The following DNAJC7 variants were observed in gnomAD, a reference collection of about 807,000 sequenced individuals.
DNAJC7 encodes the protein DnaJ heat shock protein family (Hsp40) member C7, also known as dnaJ homolog subfamily C member 7.
A neutral mutation model predicts 67.4 loss-of-function variants in DNAJC7; 18 were observed. The ratio of observed to expected loss-of-function variants is 0.27; its 90% confidence interval spans 0.18 to 0.40. The LOEUF (loss-of-function observed/expected upper bound fraction) is 0.40, where lower values mean the gene tolerates loss of function less well. Ranked by LOEUF, DNAJC7 falls within the 10% of genes least tolerant of loss-of-function variation. The probability of loss-of-function intolerance (pLI) is 1.00; values close to 1 mark genes in which losing one functional copy is unlikely to be tolerated. For synonymous variants in DNAJC7, 220 were observed against 207.8 expected (o/e 1.06, Z -0.50); for missense variants, 419 against 613.8 (o/e 0.68, Z 3.35).
At position 42,000,559 on chromosome 17, in the gene DNAJC7, G is replaced by A; in HGVS notation, c.89C>T (p.Thr30Ile). 6.2e-7 allele frequency: 1 copy of A among 1,608,976 alleles called. No homozygotes were observed. Among genetic ancestry groups the A allele is most frequent in the East Asian group, 2.2e-5 (1 of 44,738 alleles). Reference protein sequence around the residue: ...DDQEAKREAETFKEQGNAYYA... With the variant: ...DDQEAKREAEIFKEQGNAYYA... ...GTATGCATTTCCTTGTTCCTTGAAA[G>A]TCTCTGCTTCCCTGAAAATGAAAGA... Residue 30 changes from threonine (T) to isoleucine (I), a missense_variant, in exon 2 of 14, where the codon ACT becomes ATT. Thr to Ile is a moderately conservative substitution (Grantham distance 89). This residue lies in a region of DNAJC7 where 63 missense variants were observed against 54.0 expected (regional missense o/e 1.17). Coordinates refer to ENST00000457167, the MANE Select transcript of DNAJC7 (RefSeq NM_003315.4).
intron 12 of DNAJC7, among the ~76,000 whole-genome samples, chr17:41,978,413 CACTA>C (rs545229307): frequency 7.9e-5 from 12 of 152,334 alleles, no homozygotes; most frequent in African/African-American, 2.6e-4. Context: ...CTGAGTCTAC[CACTA>C]ACTAACTCCC....
intron 1 of DNAJC7, among the ~76,000 whole-genome samples, chr17:42,006,393 G>A (rs1019604218): frequency 6.6e-5 from 10 of 151,046 alleles, no homozygotes; most frequent in Admixed American, 2.0e-4. Flanking sequence ...ATAGGCTCAC[G>A]CCTATAATCC....
chr17:41,980,724 C>T (rs1172668054), intron 12 of DNAJC7, among the ~76,000 whole-genome samples: 1 of 152,176 alleles, frequency 6.6e-6, no homozygotes, highest in African/African-American at 2.4e-5. Flanking sequence ...TTATCTCTGA[C>T]AGCCCACAGT....
intron 1 of DNAJC7, among the ~76,000 whole-genome samples, chr17:42,003,178 A>G (rs1713416586): frequency 6.6e-6 from 1 of 152,226 alleles, no homozygotes; most frequent in Admixed American, 6.5e-5. Context: ...CCTCATGAAA[A>G]GGACTTATTT....
chr17:41,992,150 G>A (rs1274846415), intron 5 of DNAJC7, among the ~76,000 whole-genome samples: 1 of 152,086 alleles, frequency 6.6e-6, no homozygotes, highest in African/African-American at 2.4e-5. Flanking sequence ...CAGGTTTACT[G>A]TCCTGAAAGT....
At chr17:42,003,125 A>G (rs1419465344) in intron 1 of DNAJC7, among the ~76,000 whole-genome samples, 1 of 152,224 alleles carries the variant, frequency 6.6e-6, no homozygotes, top group Non-Finnish European at 1.5e-5. Context: ...TTAACCTCAC[A>G]CTGCACAGCA....
chr17:42,004,127 G>A (rs2051884289), intron 1 of DNAJC7, among the ~76,000 whole-genome samples: 1 of 151,762 alleles, frequency 6.6e-6, no homozygotes, highest in Non-Finnish European at 1.5e-5. Flanking sequence ...GCTATTTTTT[G>A]TATTTTTAGT....
intron 3 of DNAJC7, among the ~76,000 whole-genome samples, 162 bp from the exon 4 acceptor site, chr17:41,996,586 A>G (rs1210355125): frequency 1.3e-5 from 2 of 152,186 alleles, no homozygotes; most frequent in Non-Finnish European, 2.9e-5. Flanking sequence ...CAGATCACTC[A>G]CTTGGGGTCA....
At chr17:42,008,559 G>C (rs761981130) in intron 1 of DNAJC7, among the ~76,000 whole-genome samples, 84 of 150,718 alleles carry the variant, frequency 5.6e-4, no homozygotes, top group Non-Finnish European at 1.1e-3. Flanking sequence ...ACAGGCGCCT[G>C]CCACCACGCC....
At chr17:42,015,125 G>A (rs1428267622) in intron 1 of DNAJC7, 1 of 152,000 alleles carries the variant, frequency 6.6e-6, no homozygotes, top group East Asian at 1.9e-4. Flanking sequence ...GATTACATGT[G>A]TGTGCCACCA....
intron 1 of DNAJC7, among the ~76,000 whole-genome samples, chr17:42,009,865 C>T (rs1418411090): frequency 6.6e-6 from 1 of 152,232 alleles, no homozygotes; most frequent in Non-Finnish European, 1.5e-5. Context: ...GCTGCTTTGC[C>T]CTGGCGCAGT....
intron 1 of DNAJC7, among the ~76,000 whole-genome samples, chr17:42,002,573 C>T (rs1555649617): frequency 1.3e-5 from 2 of 152,170 alleles, no homozygotes; most frequent in Non-Finnish European, 2.9e-5. Context: ...CTCTATAAAA[C>T]ACAGTCCGGT....
At chr17:41,989,653 T>A in intron 6 of DNAJC7, 96 bp from the exon 7 acceptor site, 1 of 1,475,650 alleles carries the variant, frequency 6.8e-7, no homozygotes, top group Non-Finnish European at 9.2e-7. Context: ...ACCATGTGTC[T>A]AGCATTCAAA....
At chr17:42,010,471 A>G (rs1555650937) in intron 1 of DNAJC7, among the ~76,000 whole-genome samples, 1 of 152,194 alleles carries the variant, frequency 6.6e-6, no homozygotes, top group Non-Finnish European at 1.5e-5. Context: ...CAGCCTGGGC[A>G]ACAAGAATGA....
At chr17:41,990,563 C>A (rs2051488216) in intron 5 of DNAJC7, among the ~76,000 whole-genome samples, 181 bp from the exon 6 acceptor site, 1 of 152,020 alleles carries the variant, frequency 6.6e-6, no homozygotes, top group African/African-American at 2.4e-5. Context: ...ATGAGGACAG[C>A]AAAGGCTCCA....
Position 42,010,921 on chromosome 17 carries a change from T to C in DNAJC7, c.77+6419A>G, listed in dbSNP as rs559022712. On this transcript the variant is annotated intron_variant, in intron 1 of 13. Transcript: ENST00000457167. ...CTCATATTCTTACCCATGGTGAGGG[T>C]AAAACATAGGAATTGCCATTTTGAT... is the stretch of plus-strand genomic sequence containing the variant. 6 of 152,212 alleles carry C rather than the reference T, an allele frequency of 3.9e-5. No homozygotes were observed. In the South Asian group the frequency reaches 1.2e-3, roughly 32 times the overall value. 9.4% of individuals were successfully genotyped at this position (152,212 alleles called of 1,614,324 possible).
intron 10 of DNAJC7, among the ~76,000 whole-genome samples, chr17:41,983,002 C>T (rs1555646233): frequency 6.6e-6 from 1 of 150,924 alleles, no homozygotes; most frequent in Non-Finnish European, 1.5e-5. Flanking sequence ...TCTACCCAGA[C>T]TTAGGTTCCT....
In DNAJC7 at chr17:42,017,218, G is replaced by C. The variant is rs1347776985; in HGVS notation, c.77+122C>G. The C allele has an allele frequency of 3.1e-6, 5 of 1,596,638 alleles. No individual in the cohort carries two copies. In the Admixed American group the frequency reaches 5.0e-5, roughly 16 times the overall value. On this transcript the variant is annotated intron_variant, in intron 1 of 13. Coordinates refer to ENST00000457167, the MANE Select transcript of DNAJC7 (RefSeq NM_003315.4). Reference sequence around the variant, plus strand: ...TCCATCCGGCCTTGATCTCAGATGGGGGGGTGTTTGCGGAGGGCGGGGCAT... The same window carrying C: ...TCCATCCGGCCTTGATCTCAGATGGCGGGGTGTTTGCGGAGGGCGGGGCAT...
chr17:41,983,373 C>T (rs2051299365), intron 10 of DNAJC7, among the ~76,000 whole-genome samples, 190 bp downstream of exon 10: 1 of 152,208 alleles, frequency 6.6e-6, no homozygotes. Context: ...ATCTGCCTGC[C>T]TCAGCCTCCC....
Sources: allele counts gnomAD v4.1 joint callset (sites outside exome capture counted in the v4.1 genomes callset), GRCh38; gene constraint gnomAD v4.1.1; regional missense constraint gnomAD v4.1.1; transcripts MANE v1.5; gene names NCBI Gene and HGNC (gene_info 2026-07-23, HGNC 2026-07-21).